Variants in LRRC37A2 observed in about 807,000 individuals in gnomAD.
The protein encoded by LRRC37A2 is leucine rich repeat containing 37 member A2.
Under a neutral mutation model 68.8 loss-of-function variants are expected in LRRC37A2, and 9 were observed. That is an observed-to-expected ratio of 0.13 (90% CI 0.08 to 0.23). The LOEUF (loss-of-function observed/expected upper bound fraction) is 0.23. Ranked by LOEUF, LRRC37A2 falls within the 10% of genes least tolerant of loss-of-function variation. The probability of loss-of-function intolerance (pLI) is 1.00; values close to 1 mark genes in which losing one functional copy is unlikely to be tolerated. For synonymous variants in LRRC37A2, 63 were observed against 367.6 expected (o/e 0.17, Z 9.48); for missense variants, 168 against 950.4 (o/e 0.18, Z 10.82).
chr17:46,769,944 AGTCACAGCC>A, the LRRC37A2 span: 1 of 1,613,194 alleles, frequency 6.2e-7, no homozygotes, highest in Non-Finnish European at 8.5e-7. Flanking sequence ...TTATGATGCG[AGTCACAGCC>A]GCAAATGGTG....
the LRRC37A2 span, among the ~76,000 whole-genome samples, chr17:46,718,815 A>G: frequency 2.6e-5 from 4 of 152,246 alleles, no homozygotes; most frequent in African/African-American, 9.6e-5. Context: ...CTGGGATATA[A>G]TATGAAATCA....
At chr17:46,979,279 T>A in the LRRC37A2 span, 1 of 286,590 alleles carries the variant, frequency 3.5e-6, no homozygotes. Flanking sequence ...GCTGGGTTCC[T>A]CGCGCGCCTG....
At chr17:46,739,969 G>A in the LRRC37A2 span, among the ~76,000 whole-genome samples, 12 of 152,112 alleles carry the variant, frequency 7.9e-5, no homozygotes, top group Non-Finnish European at 1.8e-4. Context: ...CAAAGTGCTG[G>A]GATTACAGGC....
At chr17:46,770,782 T>C in the LRRC37A2 span, among the ~76,000 whole-genome samples, 6 of 152,194 alleles carry the variant, frequency 3.9e-5, no homozygotes, top group Admixed American at 2.6e-4. Flanking sequence ...GGAGAGACTC[T>C]CAAGGGTGTG....
At chr17:46,991,277 T>C in the LRRC37A2 span, among the ~76,000 whole-genome samples, 1 of 152,206 alleles carries the variant, frequency 6.6e-6, no homozygotes, top group South Asian at 2.1e-4. Context: ...ACTTCTTATC[T>C]GTTGCTTACA....
At chr17:46,829,333 C>T in the LRRC37A2 span, among the ~76,000 whole-genome samples, 1 of 152,056 alleles carries the variant, frequency 6.6e-6, no homozygotes, top group Admixed American at 6.5e-5. Context: ...ATGCCTGGCT[C>T]ATTTTTTTGT....
the LRRC37A2 span, among the ~76,000 whole-genome samples, chr17:46,899,631 G>T: frequency 3.3e-5 from 5 of 152,282 alleles, no homozygotes; most frequent in Non-Finnish European, 7.3e-5. Context: ...GAATGGGAGT[G>T]ATTGCTAGTA....
At chr17:46,501,294 G>C in the LRRC37A2 span, among the ~76,000 whole-genome samples, 1 of 151,072 alleles carries the variant, frequency 6.6e-6, no homozygotes, top group African/African-American at 2.5e-5. Context: ...TCCTGCCTCA[G>C]CCTCCTGAGT....
chr17:46,528,782 CTGAAAAAGCATTTACG>C (rs2053186081), intron 6 of LRRC37A2: 1 of 671,132 alleles, frequency 1.5e-6, no homozygotes, highest in Non-Finnish European at 2.7e-6. Context: ...GATTTTGCCC[CTGAAAAAGCATTTACG>C]TGATGCAGTC....
chr17:46,775,582 A>G, the LRRC37A2 span, among the ~76,000 whole-genome samples: 123 of 151,824 alleles, frequency 8.1e-4, no homozygotes, highest in African/African-American at 2.8e-3. Flanking sequence ...GCTTTTTCTA[A>G]AGAGAAAGAA....
At chr17:46,975,500 GC>G in the LRRC37A2 span, 3 of 152,640 alleles carry the variant, frequency 2.0e-5, no homozygotes, top group Non-Finnish European at 4.4e-5. Context: ...CCCGCCCCCT[GC>G]CCCAAGGATT....
At chr17:46,910,230 C>A in the LRRC37A2 span, 1 of 152,208 alleles carries the variant, frequency 6.6e-6, no homozygotes, top group African/African-American at 2.4e-5. Flanking sequence ...CCCCTTGAAA[C>A]CCCAAGGACT....
chr17:46,841,302 A>G, the LRRC37A2 span, among the ~76,000 whole-genome samples: 1 of 152,164 alleles, frequency 6.6e-6, no homozygotes, highest in African/African-American at 2.4e-5. Context: ...TCACCCAGCT[A>G]GGAAGGAAAG....
the LRRC37A2 span, chr17:46,938,771 C>T: frequency 6.2e-7 from 1 of 1,613,712 alleles, no homozygotes; most frequent in African/African-American, 1.3e-5. Flanking sequence ...GCCAGCCACG[C>T]TCAGTGGCTG....
chr17:46,752,018 T>C, the LRRC37A2 span, among the ~76,000 whole-genome samples: 3 of 152,164 alleles, frequency 2.0e-5, no homozygotes, highest in Non-Finnish European at 4.4e-5. Flanking sequence ...GCACCTCAAG[T>C]CAGTAAGCGA....
the LRRC37A2 span, chr17:46,931,956 G>A: frequency 2.3e-6 from 2 of 878,302 alleles, no homozygotes; most frequent in Non-Finnish European, 3.9e-6. Context: ...AGTGTGGGGT[G>A]GTGTAGGGAG....
chr17:46,709,303 A>G, the LRRC37A2 span, among the ~76,000 whole-genome samples: 1 of 152,142 alleles, frequency 6.6e-6, no homozygotes, highest in African/African-American at 2.4e-5. Flanking sequence ...AGTGACAACT[A>G]AAAACTTAAT....
chr17:46,919,210 A>G, the LRRC37A2 span, among the ~76,000 whole-genome samples: 4 of 152,244 alleles, frequency 2.6e-5, no homozygotes, highest in African/African-American at 9.6e-5. Context: ...AAGGAGACCA[A>G]TGGACTAAGT....
At chr17:46,993,840 G>A in the LRRC37A2 span, among the ~76,000 whole-genome samples, 3 of 152,270 alleles carry the variant, frequency 2.0e-5, no homozygotes, top group South Asian at 6.2e-4. Context: ...CCCCAACTCT[G>A]CAGGAATGTG....
Sources: gnomAD v4.1 joint callset for allele counts (sites outside exome capture counted in the v4.1 genomes callset) on GRCh38, gnomAD v4.1.1 for gene constraint, MANE v1.5 for transcripts, NCBI Gene and HGNC (gene_info 2026-07-23, HGNC 2026-07-21) for gene names.